UMAD1: variants seen among roughly 807,000 people sequenced by gnomAD.
UMAD1 encodes the protein UBAP1-MVB12-associated (UMA) domain containing 1, also known as UBAP1-MVB12-associated (UMA)-domain containing protein 1.
Under a neutral mutation model 6.1 loss-of-function variants are expected in UMAD1, and 8 were observed. The observed-to-expected ratio is 1.30, with a 90% CI of 0.76 to 2.35. The LOEUF is 2.35. Among genes scored for constraint, UMAD1 ranks in the 30% most tolerant of loss-of-function variants. The pLI, the probability that UMAD1 is intolerant of heterozygous loss-of-function variation, is 0.00. For synonymous variants in UMAD1, 56 were observed against 31.4 expected (o/e 1.78, Z -2.61); for missense variants, 130 against 78.4 (o/e 1.66, Z -2.49).
intron 2 of UMAD1, among the ~76,000 whole-genome samples, chr7:7,778,293 A>AGAGT (rs1782267712): frequency 6.6e-6 from 1 of 151,266 alleles, no homozygotes; most frequent in South Asian, 2.1e-4. Context: ...AGAGAGAGAG[A>AGAGT]GAGACAGAGA....
chr7:7,869,795 T>C (rs1173631211), intron 3 of UMAD1, among the ~76,000 whole-genome samples: 2 of 152,202 alleles, frequency 1.3e-5, no homozygotes, highest in African/African-American at 2.4e-5. Flanking sequence ...AGGAAAAATG[T>C]AGTTGTCTGT....
intron 2 of UMAD1, among the ~76,000 whole-genome samples, chr7:7,685,189 C>T (rs1780012872): frequency 4.6e-5 from 7 of 152,068 alleles, no homozygotes; most frequent in Admixed American, 4.6e-4. Flanking sequence ...TTCTGGTAAT[C>T]TTAGTACTAC....
At chr7:7,645,450 A>C (rs1785071936) in intron 1 of UMAD1, among the ~76,000 whole-genome samples, 1 of 152,162 alleles carries the variant, frequency 6.6e-6, no homozygotes, top group African/African-American at 2.4e-5. Context: ...ATCTAGTTCC[A>C]TATTTATGGT....
At chr7:7,818,828 G>T (rs897095768) in intron 3 of UMAD1, among the ~76,000 whole-genome samples, 1 of 152,084 alleles carries the variant, frequency 6.6e-6, no homozygotes, top group African/African-American at 2.4e-5. Context: ...GTAGAGACAG[G>T]GTTTTGCTAT....
At chr7:7,698,627 A>G (rs1400531627) in intron 2 of UMAD1, among the ~76,000 whole-genome samples, 1 of 152,158 alleles carries the variant, frequency 6.6e-6, no homozygotes, top group Non-Finnish European at 1.5e-5. Context: ...TTGACTATCA[A>G]GTAACCCAGT....
At chr7:7,871,995 A>T (rs1028475622) in intron 3 of UMAD1, among the ~76,000 whole-genome samples, 2 of 152,038 alleles carry the variant, frequency 1.3e-5, no homozygotes, top group African/African-American at 4.8e-5. Flanking sequence ...CCACATCAAG[A>T]ATCTCCCCTC....
At chr7:7,709,252 CT>C (rs1185419129) in intron 2 of UMAD1, among the ~76,000 whole-genome samples, 1 of 152,074 alleles carries the variant, frequency 6.6e-6, no homozygotes, top group Non-Finnish European at 1.5e-5. Context: ...CATGGGGTTA[CT>C]TTTAATATGG....
intron 3 of UMAD1, among the ~76,000 whole-genome samples, chr7:7,807,971 C>G (rs1468145472): frequency 1.3e-5 from 2 of 152,002 alleles, no homozygotes. Flanking sequence ...CGTCACTGAA[C>G]TATCTAATCA....
At chr7:7,726,692 G>C (rs764155592) in intron 2 of UMAD1, among the ~76,000 whole-genome samples, 1 of 152,150 alleles carries the variant, frequency 6.6e-6, no homozygotes, top group Non-Finnish European at 1.5e-5. Flanking sequence ...AGAGCTGTTA[G>C]TTCCAGATAG....
chr7:7,781,746 A>C (rs771370602), intron 2 of UMAD1, among the ~76,000 whole-genome samples: 17 of 152,060 alleles, frequency 1.1e-4, no homozygotes, highest in Non-Finnish European at 8.8e-5. Flanking sequence ...CTTTTTAGCA[A>C]GCTCTTATTA....
intron 3 of UMAD1, among the ~76,000 whole-genome samples, chr7:7,816,148 G>A (rs1276608477): frequency 6.6e-6 from 1 of 151,056 alleles, no homozygotes; most frequent in Non-Finnish European, 1.5e-5. Flanking sequence ...ATCTTATAGA[G>A]GAGGAAACCA....
intron 3 of UMAD1, among the ~76,000 whole-genome samples, chr7:7,875,206 T>C (rs1240195732): frequency 6.6e-6 from 1 of 152,128 alleles, no homozygotes; most frequent in African/African-American, 2.4e-5. Flanking sequence ...TAGAGGGAAA[T>C]TTATAGCACT....
intron 1 of UMAD1, among the ~76,000 whole-genome samples, chr7:7,661,655 T>A (rs994949466): frequency 6.6e-6 from 1 of 152,178 alleles, no homozygotes; most frequent in Non-Finnish European, 1.5e-5. Context: ...CAGCAAAGAT[T>A]GTTGCCCGTT....
At chr7:7,678,490 A>T (rs910974680) in intron 2 of UMAD1, among the ~76,000 whole-genome samples, 4 of 140,862 alleles carry the variant, frequency 2.8e-5, no homozygotes, top group Admixed American at 7.3e-5. Flanking sequence ...ATTTATAGAT[A>T]ATATATATTT....
chr7:7,717,633 AT>A (rs1205937144), intron 2 of UMAD1, among the ~76,000 whole-genome samples: 6 of 152,196 alleles, frequency 3.9e-5, no homozygotes, highest in African/African-American at 1.4e-4. Flanking sequence ...GCCTCTATTT[AT>A]TTAATTCATC....
chr7:7,763,990 G>A (rs73051907), intron 2 of UMAD1, among the ~76,000 whole-genome samples: 4 of 152,118 alleles, frequency 2.6e-5, no homozygotes, highest in Non-Finnish European at 5.9e-5. Flanking sequence ...TACCAAAAAG[G>A]TTTAGAAATA....
At chr7:7,706,881 T>C (rs1780615571) in intron 2 of UMAD1, among the ~76,000 whole-genome samples, 1 of 152,186 alleles carries the variant, frequency 6.6e-6, no homozygotes, top group Non-Finnish European at 1.5e-5. Context: ...ATAAAATCCA[T>C]TGCAGCACAA....
At chr7:7,770,549 G>T (rs1782079798) in intron 2 of UMAD1, among the ~76,000 whole-genome samples, 1 of 152,190 alleles carries the variant, frequency 6.6e-6, no homozygotes, top group Non-Finnish European at 1.5e-5. Flanking sequence ...AGGGAAGGCA[G>T]AAATTAGAGA....
At chr7:7,810,065 T>C (rs778975560) in intron 3 of UMAD1, among the ~76,000 whole-genome samples, 1 of 151,978 alleles carries the variant, frequency 6.6e-6, no homozygotes, top group Non-Finnish European at 1.5e-5. Context: ...TCAAGAACAA[T>C]TTCAAAAATA....
Sources: allele counts gnomAD v4.1 joint callset (sites outside exome capture counted in the v4.1 genomes callset), GRCh38; gene constraint gnomAD v4.1.1; transcripts MANE v1.5; gene names NCBI Gene and HGNC (gene_info 2026-07-23, HGNC 2026-07-21).